The following REEP3 variants were observed in gnomAD, a reference collection of about 807,000 sequenced individuals.
REEP3 encodes the protein receptor accessory protein 3, also known as receptor expression-enhancing protein 3.
A neutral mutation model predicts 41.3 loss-of-function variants in REEP3; 20 were observed. The ratio of observed to expected loss-of-function variants is 0.48; its 90% CI spans 0.34 to 0.70. The LOEUF is 0.70. REEP3 is among the 30% of genes least tolerant of loss of function. REEP3 has a pLI of 0.01. For synonymous variants in REEP3, 104 were observed against 101.8 expected (o/e 1.02, Z -0.13); for missense variants, 271 against 308.8 (o/e 0.88, Z 0.92).
chr10:63,549,465 G>C (rs1401068800), intron 1 of REEP3, among the ~76,000 whole-genome samples: 2 of 151,400 alleles, frequency 1.3e-5, no homozygotes, highest in African/African-American at 4.8e-5. Flanking sequence ...TTGTTCAGGA[G>C]GCTGAGGCAG....
chr10:63,586,679 TC>T (rs1226321465), intron 2 of REEP3, among the ~76,000 whole-genome samples: 7 of 152,246 alleles, frequency 4.6e-5, no homozygotes, highest in African/African-American at 1.7e-4. Flanking sequence ...GTTCATTCGT[TC>T]TTTTTTTAAA....
chr10:63,596,265 G>C (rs928128206), intron 3 of REEP3, among the ~76,000 whole-genome samples: 1 of 152,112 alleles, frequency 6.6e-6, no homozygotes, highest in Non-Finnish European at 1.5e-5. Flanking sequence ...TTTTGGTATA[G>C]GGGTTTGGTT....
At chr10:63,559,852 G>A (rs1227719021) in intron 1 of REEP3, among the ~76,000 whole-genome samples, 1 of 151,952 alleles carries the variant, frequency 6.6e-6, no homozygotes, top group Non-Finnish European at 1.5e-5. Context: ...AAAACAGGTA[G>A]GAAAGGATTT....
chr10:63,535,952 AC>A (rs1409473345), intron 1 of REEP3, among the ~76,000 whole-genome samples: 1 of 152,166 alleles, frequency 6.6e-6, no homozygotes, highest in Non-Finnish European at 1.5e-5. Context: ...CCTACAACAA[AC>A]CATAGAGGAA....
At chr10:63,546,333 G>T (rs1234177906) in intron 1 of REEP3, among the ~76,000 whole-genome samples, 1 of 152,212 alleles carries the variant, frequency 6.6e-6, no homozygotes, top group Non-Finnish European at 1.5e-5. Flanking sequence ...CAGGCTGGTA[G>T]CAGTGGTCAG....
Position 63,621,091 on chromosome 10 carries a change from G to C in REEP3, c.*222G>C. 1 of 375,394 alleles carries C rather than the reference G, an allele frequency of 2.7e-6. No homozygotes were observed. 23.3% of individuals were successfully genotyped at this position (375,394 alleles called of 1,614,324 possible). Reference sequence around the variant, plus strand: ...CAAGATGTACTAAATATGTATATTAGAAATTATAGAAAATCATGTTGTCCG... The same window carrying C: ...CAAGATGTACTAAATATGTATATTACAAATTATAGAAAATCATGTTGTCCG... On this transcript the variant is annotated 3_prime_UTR_variant, in exon 8 of 8. Transcript: ENST00000373758.
intron 1 of REEP3, among the ~76,000 whole-genome samples, chr10:63,542,951 C>A (rs1056188132): frequency 1.3e-5 from 2 of 152,154 alleles, no homozygotes; most frequent in African/African-American, 4.8e-5. Flanking sequence ...TGCAGCCCTG[C>A]AGTTCTCTCC....
intron 2 of REEP3, among the ~76,000 whole-genome samples, chr10:63,587,415 CCTAA>C (rs1956018181): frequency 6.6e-6 from 1 of 152,164 alleles, no homozygotes; most frequent in Admixed American, 6.5e-5. Flanking sequence ...ATGACCAGTG[CCTAA>C]CTAATTCTGG....
intron 1 of REEP3, among the ~76,000 whole-genome samples, chr10:63,524,896 T>C (rs536866445): frequency 6.6e-6 from 1 of 152,038 alleles, no homozygotes; most frequent in East Asian, 1.9e-4. Flanking sequence ...CCTGTAGTCC[T>C]GGCTACTAGG....
chr10:63,531,128 CTG>C (rs1333214305), intron 1 of REEP3, among the ~76,000 whole-genome samples: 1 of 152,190 alleles, frequency 6.6e-6, no homozygotes, highest in Non-Finnish European at 1.5e-5. Flanking sequence ...CACTAAAACA[CTG>C]TGAACAGGGA....
At chr10:63,598,818 GC>G (rs1476710758) in intron 4 of REEP3, among the ~76,000 whole-genome samples, 3 of 151,320 alleles carry the variant, frequency 2.0e-5, no homozygotes, top group Non-Finnish European at 2.9e-5. Flanking sequence ...TGGGCTGGGT[GC>G]AGTGGCTCAT....
At position 63,623,321 on chromosome 10, in the gene REEP3, T is replaced by C. The variant is rs537043653; in HGVS notation, c.*2452T>C. 1 of 152,346 alleles carries C rather than the reference T, an allele frequency of 6.6e-6. No homozygotes were observed. Among genetic ancestry groups the C allele is most frequent in the African/African-American group, 2.4e-5 (1 of 41,584 alleles). 9.4% of individuals were successfully genotyped at this position (152,346 alleles called of 1,614,324 possible). ...TTAGCGGGGCCCTTTTCTTTGAACT[T>C]TGTCTAATTAGCCTGTACATTTTTG... On this transcript the variant is annotated 3_prime_UTR_variant, in exon 8 of 8. Transcript: ENST00000373758.
rs117749894 is a variant in REEP3, at chr10:63,597,174, G to A, written c.183-850G>A. 4.6e-5 allele frequency among the ~76,000 whole-genome samples: 7 copies of A among 152,268 alleles called. No homozygotes were observed. The East Asian group carries it at 1.2e-3, about 25-fold the overall frequency. ...ACTGGGCCAACGGGGGAGGCCCACT[G>A]TAACACTTTGTATTTTCCTTGGAAG... On this transcript the variant is annotated intron_variant, in intron 3 of 7. Transcript: ENST00000373758.
At chr10:63,551,272 C>A (rs68187821) in intron 1 of REEP3, among the ~76,000 whole-genome samples, 53,107 of 151,954 alleles carry the variant, frequency 0.35, 10,088 homozygotes, top group African/African-American at 0.48. Flanking sequence ...CCAAGGAGAT[C>A]TGGAACAATT....
Position 63,619,758 on chromosome 10 carries a change from G to A in REEP3, c.669G>A (p.Ser223=), listed in dbSNP as rs772103674. Reference sequence around the variant, plus strand: ...TAACACACAAAGGGCTTCGAAGATCGCAAAGCATGAAATCTGTGAAAACCA... The same window carrying A: ...TAACACACAAAGGGCTTCGAAGATCACAAAGCATGAAATCTGTGAAAACCA... ...EMLTHKGLRR[S]QSMKSVKTTK... The change falls in exon 7 of 8, where the codon TCG becomes TCA. Residue 223 remains serine, a synonymous_variant. Coordinates refer to ENST00000373758, the MANE Select transcript of REEP3 (RefSeq NM_001001330.3). The A allele has an allele frequency of 2.1e-5, 34 of 1,609,396 alleles. No individual in the cohort carries two copies. The African/African-American group carries it at 2.7e-4, about 13-fold the overall frequency.
intron 1 of REEP3, among the ~76,000 whole-genome samples, chr10:63,556,342 G>A (rs1268365924): frequency 1.3e-5 from 2 of 151,380 alleles, no homozygotes; most frequent in South Asian, 2.1e-4. Flanking sequence ...GGCTGGTCTC[G>A]AACTCCTGAC....
At chr10:63,594,116 G>T (rs1044897759) in intron 2 of REEP3, among the ~76,000 whole-genome samples, 2 of 151,698 alleles carry the variant, frequency 1.3e-5, no homozygotes, top group African/African-American at 4.8e-5. Flanking sequence ...GGTGGCTCAT[G>T]CCTGCAATCC....
intron 2 of REEP3, among the ~76,000 whole-genome samples, chr10:63,590,119 C>A (rs117794256): frequency 6.6e-6 from 1 of 152,044 alleles, no homozygotes; most frequent in African/African-American, 2.4e-5. Context: ...AAATTAGGGA[C>A]GGGATCTCAT....
intron 1 of REEP3, chr10:63,521,932 G>GCGCGGCAC (rs1244555446): frequency 6.6e-6 from 1 of 150,746 alleles, no homozygotes; most frequent in Non-Finnish European, 1.5e-5. Context: ...TCCCCGCGCA[G>GCGCGGCAC]CGCGGCACCG....
Sources: allele counts gnomAD v4.1 joint callset (sites outside exome capture counted in the v4.1 genomes callset), GRCh38; gene constraint gnomAD v4.1.1; transcripts MANE v1.5; gene names NCBI Gene and HGNC (gene_info 2026-07-23, HGNC 2026-07-21).